The following ZNF638 variants were observed in gnomAD, a reference collection of about 807,000 sequenced individuals.
ZNF638 encodes the protein zinc finger protein 638, also known as CTCL tumor antigen se33-1.
ZNF638 carries 46 observed loss-of-function variants against 195.6 expected under a neutral mutation model. That is an observed-to-expected ratio of 0.24 (90% CI 0.19 to 0.30). The LOEUF (loss-of-function observed/expected upper bound fraction) is 0.30, where lower values mean the gene tolerates loss of function less well. Ranked by LOEUF, ZNF638 falls within the 10% of genes least tolerant of loss-of-function variation. The pLI is 1.00. For missense variants in ZNF638, 2,440 were observed against 2,325.3 expected (o/e 1.05, Z -1.01); for synonymous variants, 845 against 772.0 (o/e 1.09, Z -1.57).
intron 25 of ZNF638, among the ~76,000 whole-genome samples, chr2:71,430,206 A>C (rs868676916): frequency 1.3e-5 from 2 of 151,782 alleles, no homozygotes; most frequent in Admixed American, 1.3e-4. Context: ...TTTTAAATAT[A>C]TAATTTTAAT....
In ZNF638 at chr2:71,349,249, C is replaced by T. The variant is rs774315651; in HGVS notation, c.295C>T (p.Pro99Ser). ...FHEAQQKKGK[P>S]HGSRWDDEPH... is the part of the protein sequence containing the mutation. ...TGAAGCACAACAGAAGAAGGGGAAG[C>T]CTCATGGTAGCCGGTGGGATGATGA... The change falls in exon 2 of 28, where the codon CCT (proline) becomes TCT (serine). Residue 99 changes from proline to serine, a missense_variant. By Grantham distance (74) the Pro-to-Ser change is moderately conservative. Around this residue, in one of 5 missense-constraint regions of ZNF638, gnomAD observed 191 missense variants for 173.8 expected, o/e 1.10. Transcript: ENST00000264447. 2 of 1,614,164 alleles carry T rather than the reference C, an allele frequency of 1.2e-6. No homozygotes were observed. Among genetic ancestry groups the T allele is most frequent in the South Asian group, 2.2e-5 (2 of 91,082 alleles).
At chr2:71,372,197 C>T (rs935523236) in intron 8 of ZNF638, among the ~76,000 whole-genome samples, 1 of 152,160 alleles carries the variant, frequency 6.6e-6, no homozygotes, top group Non-Finnish European at 1.5e-5. Flanking sequence ...TAATCCCAGC[C>T]CCAGCCCTAA....
intron 2 of ZNF638, among the ~76,000 whole-genome samples, chr2:71,350,925 G>C (rs1328848909): frequency 6.6e-6 from 1 of 152,130 alleles, no homozygotes; most frequent in African/African-American, 2.4e-5. Flanking sequence ...AGATGATTTA[G>C]GTAGTTTGAT....
intron 10 of ZNF638, chr2:71,395,891 A>C: frequency 1.8e-6 from 1 of 547,456 alleles, no homozygotes; most frequent in Non-Finnish European, 3.2e-6. Flanking sequence ...GTTGATGGGA[A>C]TATTAATTGG....
At chr2:71,381,572 A>C (rs112533337) in intron 10 of ZNF638, among the ~76,000 whole-genome samples, 71 of 152,244 alleles carry the variant, frequency 4.7e-4, no homozygotes, top group African/African-American at 1.7e-3. Flanking sequence ...TATTCTATTG[A>C]AGGCCTTGAA....
intron 1 of ZNF638, among the ~76,000 whole-genome samples, chr2:71,339,508 T>G (rs1381432578): frequency 2.0e-5 from 3 of 152,172 alleles, no homozygotes; most frequent in Admixed American, 2.0e-4. Context: ...TGGAAACATT[T>G]TTTGGCCATG....
At chr2:71,356,460 T>G (rs1198615476) in intron 3 of ZNF638, among the ~76,000 whole-genome samples, 3 of 152,152 alleles carry the variant, frequency 2.0e-5, no homozygotes, top group Non-Finnish European at 4.4e-5. Context: ...GGCAAATGGA[T>G]TTGAGATTAT....
In ZNF638 at chr2:71,423,463, A is replaced by G; in HGVS notation, c.3949A>G (p.Thr1317Ala). The G allele has an allele frequency of 6.2e-7, 1 of 1,613,492 alleles. No homozygotes were observed. The highest frequency in any genetic ancestry group is 1.1e-5 in the South Asian group (1 of 91,004). The stretch of plus-strand genomic sequence containing the variant: ...TGAAAAGGAGGAGAAGGAATTTAAT[A>G]CTAAGGAAACCAGAATGGATCTTCA... ...MDEKEEKEFNTKETRMDLQIG... is the reference protein window; with the variant it reads ...MDEKEEKEFNAKETRMDLQIG... Residue 1317 changes from threonine to alanine, a missense_variant, in exon 22 of 28, where the codon ACT becomes GCT. Thr to Ala is a moderately conservative substitution (Grantham distance 58). Transcript: ENST00000264447.
chr2:71,342,086 A>C (rs775225718), intron 1 of ZNF638, among the ~76,000 whole-genome samples: 1 of 151,628 alleles, frequency 6.6e-6, no homozygotes, highest in Non-Finnish European at 1.5e-5. Flanking sequence ...GTTTAGTAAT[A>C]GTTAAAAAAG....
At chr2:71,377,695 A>G (rs976378923) in intron 8 of ZNF638, among the ~76,000 whole-genome samples, 1 of 152,244 alleles carries the variant, frequency 6.6e-6, no homozygotes, top group Non-Finnish European at 1.5e-5. Context: ...AAGTTAAAAG[A>G]GTGAAAAATG....
chr2:71,410,631 T>C (rs933983323), intron 20 of ZNF638, among the ~76,000 whole-genome samples: 1 of 152,176 alleles, frequency 6.6e-6, no homozygotes, highest in African/African-American at 2.4e-5. Flanking sequence ...GTGGAGGAGA[T>C]AGACTATAAA....
intron 16 of ZNF638, among the ~76,000 whole-genome samples, chr2:71,402,721 A>G (rs916124665): frequency 6.6e-6 from 1 of 152,222 alleles, no homozygotes; most frequent in African/African-American, 2.4e-5. Flanking sequence ...AATGTATGTT[A>G]ATAATCAACT....
At position 71,369,949 on chromosome 2, in the gene ZNF638, C is replaced by T. The variant is rs577741639; in HGVS notation, c.2209C>T (p.Leu737Phe). 6.3e-7 allele frequency: 1 copy of T among 1,598,750 alleles called. No individual in the cohort carries two copies. The highest frequency in any genetic ancestry group is 1.3e-5 in the African/African-American group (1 of 74,136). The change falls in exon 8 of 28, where the codon CTT becomes TTT. Residue 737 changes from leucine to phenylalanine, a missense_variant. This residue lies in a region of ZNF638 where 1,883 missense variants were observed against 1,739.1 expected (regional missense o/e 1.08). Transcript: ENST00000264447. ...AIMKYIETTP[L>F]TIKGKSVKIC... is the part of the protein sequence containing the mutation. ...TATGAAGTACATTGAAACAACACCTCTTACGATAAAAGGAAAAAGTGTGAA... is the reference window on the plus strand; with the variant it reads ...TATGAAGTACATTGAAACAACACCTTTTACGATAAAAGGAAAAAGTGTGAA...
chr2:71,386,651 T>C (rs2079646899), intron 10 of ZNF638, among the ~76,000 whole-genome samples: 1 of 152,166 alleles, frequency 6.6e-6, no homozygotes. Context: ...TAATTACCCA[T>C]CTTAATTCTC....
intron 1 of ZNF638, among the ~76,000 whole-genome samples, chr2:71,340,848 A>T (rs2104111873): frequency 6.6e-6 from 1 of 152,312 alleles, no homozygotes; most frequent in East Asian, 1.9e-4. Flanking sequence ...GTGAACTGGA[A>T]TTCCTTTCCT....
chr2:71,380,442 A>T, intron 9 of ZNF638, 71 bp from the exon 10 acceptor site: 1 of 1,390,632 alleles, frequency 7.2e-7, no homozygotes, highest in Non-Finnish European at 9.9e-7. Context: ...AGGTTTAAAT[A>T]TTACATTTTT....
At chr2:71,363,931 C>G in intron 4 of ZNF638, 23 bp from the exon 5 acceptor site, 1 of 1,585,174 alleles carries the variant, frequency 6.3e-7, no homozygotes. Context: ...TGATCACTTT[C>G]TTTTCCGCCC....
At chr2:71,382,910 AAG>A (rs2104361274) in intron 10 of ZNF638, among the ~76,000 whole-genome samples, 1 of 152,322 alleles carries the variant, frequency 6.6e-6, no homozygotes, top group Non-Finnish European at 1.5e-5. Flanking sequence ...TCTGTACCAG[AAG>A]AGAGAAAACA....
Position 71,423,059 on chromosome 2 carries a change from C to T in ZNF638, c.3545C>T (p.Ala1182Val). The T allele has an allele frequency of 6.2e-7, 1 of 1,614,116 alleles. No individual in the cohort carries two copies. Among genetic ancestry groups the T allele is most frequent in the South Asian group, 1.1e-5 (1 of 91,084 alleles). Residue 1182 changes from alanine (A) to valine (V), a missense_variant, in exon 22 of 28, where the codon GCA becomes GTA. Ala to Val is a moderately conservative substitution (Grantham distance 64). Coordinates refer to ENST00000264447, the MANE Select transcript of ZNF638 (RefSeq NM_014497.5). Reference protein sequence around the residue: ...EEVKEEIPLVASASVSIEQFT... With the variant: ...EEVKEEIPLVVSASVSIEQFT... ...GTCAAAGAAGAAATTCCTCTTGTAG[C>T]ATCCGCTTCAGTCAGTATTGAACAA...
Sources: gnomAD v4.1 joint callset for allele counts (sites outside exome capture counted in the v4.1 genomes callset) on GRCh38, gnomAD v4.1.1 for gene constraint, gnomAD v4.1.1 regional missense constraint, MANE v1.5 for transcripts, NCBI Gene and HGNC (gene_info 2026-07-23, HGNC 2026-07-21) for gene names.